Variants in STOX1 observed in about 807,000 individuals in gnomAD.
The protein encoded by STOX1 is storkhead-box protein 1.
In STOX1, 57 loss-of-function variants were observed where a neutral mutation model predicts 74.8. The observed-to-expected ratio is 0.76, with a 90% CI of 0.62 to 0.95. STOX1 has a LOEUF of 0.95. Among genes scored for constraint, STOX1 ranks in the 40% least tolerant of loss-of-function variants. The pLI is 0.00. For missense variants in STOX1, 1,010 were observed against 1,117.0 expected (o/e 0.90, Z 1.37); for synonymous variants, 375 against 401.3 (o/e 0.93, Z 0.78).
rs918315452 is a variant in STOX1, at chr10:68,855,675, G to A, written c.311-26283G>A. ...ACCCAGGCTGGTCTCTAACTCCTGGGCTTAAGTGATCCTCCCACCTCAGCC... is the reference window on the plus strand; with the variant it reads ...ACCCAGGCTGGTCTCTAACTCCTGGACTTAAGTGATCCTCCCACCTCAGCC... On this transcript the variant is annotated intron_variant, in intron 1 of 3. Transcript: ENST00000298596. Among the ~76,000 whole-genome samples the A allele has an allele frequency of 4.6e-5, 7 of 151,552 alleles. No homozygotes were observed. The South Asian group carries it at 1.5e-3, about 32-fold the overall frequency.
rs763803092 is a variant in STOX1, at chr10:68,852,407, C to T, written c.310+24474C>T. Reference sequence around the variant, plus strand: ...CCGAGTAGCTGGGACTACAGGCGCCCGCCACCGCACCCGGCTAATTTTTTG... The same window carrying T: ...CCGAGTAGCTGGGACTACAGGCGCCTGCCACCGCACCCGGCTAATTTTTTG... On this transcript the variant is annotated intron_variant, in intron 1 of 3. Coordinates refer to ENST00000298596, the MANE Select transcript of STOX1 (RefSeq NM_152709.5). Among the ~76,000 whole-genome samples, 165 of 150,362 alleles carry T rather than the reference C, an allele frequency of 1.1e-3. 1 individual carries two copies. The highest frequency in any genetic ancestry group is 1.6e-3 in the Non-Finnish European group (109 of 67,482).
chr10:68,859,070 G>C (rs1840196973), intron 1 of STOX1, among the ~76,000 whole-genome samples: 1 of 152,032 alleles, frequency 6.6e-6, no homozygotes, highest in Non-Finnish European at 1.5e-5. Flanking sequence ...GGGACTCACA[G>C]CAACTTTCTT....
At chr10:68,873,766 T>A (rs1189768030) in intron 1 of STOX1, among the ~76,000 whole-genome samples, 1 of 150,088 alleles carries the variant, frequency 6.7e-6, no homozygotes, top group Non-Finnish European at 1.5e-5. Context: ...TTCTCCTGCC[T>A]CAGCCTCTTT....
downstream of STOX1, among the ~76,000 whole-genome samples, chr10:68,893,876 A>G (rs954333569): frequency 6.6e-6 from 1 of 152,130 alleles, no homozygotes; most frequent in Non-Finnish European, 1.5e-5. Context: ...ACATTTAGCA[A>G]TTCATCTGCA....
intron 1 of STOX1, among the ~76,000 whole-genome samples, chr10:68,832,531 G>A (rs987116228): frequency 3.3e-5 from 5 of 151,984 alleles, no homozygotes; most frequent in Admixed American, 6.6e-5. Context: ...AAATTAGCCC[G>A]GCATGGTGGC....
intron 3 of STOX1, among the ~76,000 whole-genome samples, chr10:68,891,749 C>A (rs1457648060): frequency 2.6e-5 from 4 of 151,660 alleles, no homozygotes; most frequent in Non-Finnish European, 5.9e-5. Flanking sequence ...TTGCAGTGGG[C>A]CAAGACTGCA....
chr10:68,841,800 C>T (rs1839697855), intron 1 of STOX1, among the ~76,000 whole-genome samples: 1 of 152,140 alleles, frequency 6.6e-6, no homozygotes, highest in Non-Finnish European at 1.5e-5. Flanking sequence ...CCAGCAAAGC[C>T]TGTTTTTGCT....
chr10:68,886,346 T>C lies in STOX1; in HGVS notation c.2550T>C (p.Ala850=). 2 of 1,614,202 alleles carry C rather than the reference T, an allele frequency of 1.2e-6. No individual in the cohort carries two copies. Among genetic ancestry groups the C allele is most frequent in the African/African-American group, 1.3e-5 (1 of 75,062 alleles). Residue 850 remains alanine (A), a synonymous_variant, in exon 3 of 4, where the codon GCT becomes GCC. Coordinates refer to ENST00000298596, the MANE Select transcript of STOX1 (RefSeq NM_152709.5). ...AATGTGTACAGGCCTCAGCACCTGC[T>C]GATGAAAGAATCTTTGATTACTATA... is the stretch of plus-strand genomic sequence containing the variant. ...VAKCVQASAP[A]DERIFDYYSA...
At chr10:68,893,668 C>T (rs1195952835), downstream of STOX1, among the ~76,000 whole-genome samples, 1 of 152,166 alleles carries the variant, frequency 6.6e-6, no homozygotes, top group African/African-American at 2.4e-5. Flanking sequence ...CCACCCGCCT[C>T]GGCCTCCCAA....
At position 68,878,616 on chromosome 10, in the gene STOX1, A is replaced by G. The variant is rs534093341; in HGVS notation, c.311-3342A>G. Reference sequence around the variant, plus strand: ...TTGTGATGTGACCTTCCAAGGCCAGATAGAGAAGCTTAAGCAAACAAGGGA... The same window carrying G: ...TTGTGATGTGACCTTCCAAGGCCAGGTAGAGAAGCTTAAGCAAACAAGGGA... On this transcript the variant is annotated intron_variant, in intron 1 of 3. Coordinates refer to ENST00000298596, the MANE Select transcript of STOX1 (RefSeq NM_152709.5). 1.3e-5 allele frequency among the ~76,000 whole-genome samples: 2 copies of G among 152,344 alleles called. 1 individual carries two copies. The highest frequency in any genetic ancestry group is 4.8e-5 in the African/African-American group (2 of 41,582).
At chr10:68,871,256 G>A (rs768726403) in intron 1 of STOX1, among the ~76,000 whole-genome samples, 7 of 152,194 alleles carry the variant, frequency 4.6e-5, no homozygotes, top group Non-Finnish European at 1.0e-4. Flanking sequence ...GGGGAAGGGA[G>A]CTAGAGGCTC....
In STOX1 at chr10:68,884,652, G is replaced by T. The variant is rs780534543; in HGVS notation, c.856G>T (p.Val286Leu). ...VSWVQNGAVS[V>L]SAEHHICEST... ...TTGGGTACAGAATGGGGCAGTTTCA[G>T]TGTCTGCGGAGCACCACATTTGTGA... Residue 286 changes from valine (V) to leucine (L), a missense_variant, in exon 3 of 4, where the codon GTG (valine) becomes TTG (leucine). Transcript: ENST00000298596. The T allele has an allele frequency of 2.5e-6, 4 of 1,614,122 alleles. No individual in the cohort carries two copies. The highest frequency in any genetic ancestry group is 2.2e-5 in the East Asian group (1 of 44,882).
At chr10:68,869,554 G>A (rs1453366986) in intron 1 of STOX1, among the ~76,000 whole-genome samples, 2 of 152,140 alleles carry the variant, frequency 1.3e-5, no homozygotes, top group South Asian at 2.1e-4. Context: ...GAAGAGTGCT[G>A]TAGGTGGGGG....
At chr10:68,877,331 A>G (rs1252096399) in intron 1 of STOX1, among the ~76,000 whole-genome samples, 5 of 152,186 alleles carry the variant, frequency 3.3e-5, no homozygotes, top group Admixed American at 3.3e-4. Flanking sequence ...GATTTGGCAA[A>G]CAGTGTTAGG....
At chr10:68,860,560 ACT>A (rs1840240882) in intron 1 of STOX1, among the ~76,000 whole-genome samples, 1 of 111,678 alleles carries the variant, frequency 9.0e-6, no homozygotes, top group Non-Finnish European at 1.7e-5. Context: ...ACAGAGTGAG[ACT>A]CTGTCTCAAA....
intron 1 of STOX1, among the ~76,000 whole-genome samples, chr10:68,879,966 G>A (rs536300464): frequency 6.6e-6 from 1 of 152,210 alleles, no homozygotes; most frequent in South Asian, 2.1e-4. Flanking sequence ...GTCCCAGGAA[G>A]CACCTCAGTC....
In STOX1 at chr10:68,885,803, T is replaced by G. The variant is rs374923423; in HGVS notation, c.2007T>G (p.Leu669=). 1.9e-6 allele frequency: 3 copies of G among 1,614,092 alleles called. No individual in the cohort carries two copies. Among genetic ancestry groups the G allele is most frequent in the Non-Finnish European group, 2.5e-6 (3 of 1,180,038 alleles). ...ACACAATACACCAGTTTCAAAATCT[T>G]GGCCTTTTGGATTACCCAGTTGGCG... ...VDNTIHQFQN[L]GLLDYPVGVN... is the part of the protein sequence containing the mutation. The change falls in exon 3 of 4, where the codon CTT becomes CTG. Residue 669 remains leucine, a synonymous_variant. Transcript: ENST00000298596.
chr10:68,874,299 A>C (rs1016688153), intron 1 of STOX1, among the ~76,000 whole-genome samples: 2 of 152,062 alleles, frequency 1.3e-5, no homozygotes, highest in African/African-American at 4.8e-5. Context: ...ATAAGAAAAA[A>C]TTAAGTACAA....
chr10:68,849,168 T>A (rs1464469599), intron 1 of STOX1, among the ~76,000 whole-genome samples: 1 of 152,180 alleles, frequency 6.6e-6, no homozygotes, highest in East Asian at 1.9e-4. Flanking sequence ...TAGGACTACA[T>A]TCTTGTAGCT....
Sources: allele counts gnomAD v4.1 joint callset (sites outside exome capture counted in the v4.1 genomes callset), GRCh38; gene constraint gnomAD v4.1.1; transcripts MANE v1.5; gene names NCBI Gene and HGNC (gene_info 2026-07-23, HGNC 2026-07-21).